DLGAP2: variants seen among roughly 807,000 people sequenced by gnomAD.
DLGAP2 encodes the protein DLG associated protein 2, also known as disks large-associated protein 2.
In DLGAP2, 26 loss-of-function variants were observed where a neutral mutation model predicts 100.3. The observed-to-expected ratio is 0.26, with a 90% confidence interval of 0.19 to 0.36. The LOEUF (loss-of-function observed/expected upper bound fraction) is 0.36, where lower values mean the gene tolerates loss of function less well. Among genes scored for constraint, DLGAP2 ranks in the 10% least tolerant of loss-of-function variants. The pLI is 1.00. For missense variants in DLGAP2, 1,858 were observed against 1,453.2 expected (o/e 1.28, Z -4.53); for synonymous variants, 886 against 630.1 (o/e 1.41, Z -6.08).
chr8:1,508,844 G>T (rs1228318368), intron 4 of DLGAP2, among the ~76,000 whole-genome samples: 1 of 151,696 alleles, frequency 6.6e-6, no homozygotes, highest in African/African-American at 2.4e-5. Context: ...CGGGCTCCGG[G>T]GATTCGTAGG....
At chr8:1,311,422 A>G (rs1003236364) in intron 3 of DLGAP2, among the ~76,000 whole-genome samples, 3 of 152,246 alleles carry the variant, frequency 2.0e-5, no homozygotes, top group Non-Finnish European at 2.9e-5. Flanking sequence ...TTCCTAACAC[A>G]TTCCTTGAGG....
At chr8:799,054 C>T (rs1796094873) in intron 1 of DLGAP2, among the ~76,000 whole-genome samples, 1 of 152,220 alleles carries the variant, frequency 6.6e-6, no homozygotes, top group African/African-American at 2.4e-5. Flanking sequence ...TTAAGAGACT[C>T]TGTCGGTCCT....
At chr8:1,270,339 C>G (rs1395692926) in intron 3 of DLGAP2, among the ~76,000 whole-genome samples, 1 of 152,136 alleles carries the variant, frequency 6.6e-6, no homozygotes, top group African/African-American at 2.4e-5. Context: ...AAAAGTAGAA[C>G]CTGTGATGTG....
At chr8:1,296,438 G>A (rs185643712) in intron 3 of DLGAP2, among the ~76,000 whole-genome samples, 7 of 152,194 alleles carry the variant, frequency 4.6e-5, no homozygotes, top group African/African-American at 1.2e-4. Context: ...ATCCAAGGGA[G>A]GTGTTATCAT....
intron 2 of DLGAP2, among the ~76,000 whole-genome samples, chr8:1,088,254 A>T (rs1804042434): frequency 6.6e-6 from 1 of 152,164 alleles, no homozygotes; most frequent in Non-Finnish European, 1.5e-5. Context: ...GTGGCGTTTC[A>T]TTAATGGACT....
chr8:905,184 T>G (rs1798353084), intron 1 of DLGAP2, among the ~76,000 whole-genome samples: 1 of 151,806 alleles, frequency 6.6e-6, no homozygotes, highest in South Asian at 2.1e-4. Context: ...ACCTGGCGGG[T>G]TCAAGGAAAG....
intron 3 of DLGAP2, among the ~76,000 whole-genome samples, chr8:1,389,279 G>C (rs118051867): frequency 1.4e-5 from 2 of 138,660 alleles, no homozygotes; most frequent in African/African-American, 6.7e-5. Flanking sequence ...CCCAGTCAGT[G>C]GGGAGGGGAC....
At chr8:1,108,645 A>G (rs575629268) in intron 2 of DLGAP2, among the ~76,000 whole-genome samples, 21 of 133,098 alleles carry the variant, frequency 1.6e-4, no homozygotes, top group African/African-American at 5.5e-4. Context: ...GCACGTGCCT[A>G]TGAAGTGTGC....
intron 5 of DLGAP2, among the ~76,000 whole-genome samples, chr8:1,554,320 AT>A (rs1801882993): frequency 6.6e-6 from 1 of 152,108 alleles, no homozygotes; most frequent in Non-Finnish European, 1.5e-5. Flanking sequence ...AAATAAATAA[AT>A]AAATAAAATG....
At chr8:1,083,680 T>C (rs1285655988) in intron 2 of DLGAP2, among the ~76,000 whole-genome samples, 2 of 152,224 alleles carry the variant, frequency 1.3e-5, no homozygotes, top group African/African-American at 4.8e-5. Context: ...TTTATGAGTC[T>C]TTTGTTATGG....
chr8:860,086 A>C (rs1339108358), intron 1 of DLGAP2, among the ~76,000 whole-genome samples: 1 of 152,232 alleles, frequency 6.6e-6, no homozygotes. Context: ...TTCCAAATTA[A>C]AGAAATAAGA....
intron 2 of DLGAP2, among the ~76,000 whole-genome samples, chr8:1,043,860 A>C (rs1357010609): frequency 6.6e-6 from 1 of 152,102 alleles, no homozygotes; most frequent in Non-Finnish European, 1.5e-5. Flanking sequence ...TGAAGCAATC[A>C]AGAAGCAAGC....
At chr8:744,011 C>T (rs1820551430) in intron 1 of DLGAP2, among the ~76,000 whole-genome samples, 1 of 152,214 alleles carries the variant, frequency 6.6e-6, no homozygotes, top group Non-Finnish European at 1.5e-5. Context: ...CGTGCCTTCA[C>T]GTTTCCTCTG....
At chr8:1,090,720 T>C (rs926682667) in intron 2 of DLGAP2, among the ~76,000 whole-genome samples, 1 of 152,064 alleles carries the variant, frequency 6.6e-6, no homozygotes, top group Non-Finnish European at 1.5e-5. Flanking sequence ...CACCCTGGGG[T>C]TTGTTTTCTG....
chr8:892,773 C>T (rs1013570505), intron 1 of DLGAP2, among the ~76,000 whole-genome samples: 2 of 152,164 alleles, frequency 1.3e-5, no homozygotes, highest in South Asian at 2.1e-4. Flanking sequence ...GGCCATGCTC[C>T]AGCAGTAGCA....
At chr8:1,428,790 T>C (rs1053795949) in intron 3 of DLGAP2, among the ~76,000 whole-genome samples, 1 of 152,194 alleles carries the variant, frequency 6.6e-6, no homozygotes, top group African/African-American at 2.4e-5. Context: ...TATCAGTGCA[T>C]GTGCTGCACA....
intron 2 of DLGAP2, among the ~76,000 whole-genome samples, chr8:917,106 C>T (rs1264548644): frequency 6.6e-6 from 1 of 152,220 alleles, no homozygotes; most frequent in African/African-American, 2.4e-5. Flanking sequence ...GAAGCACATA[C>T]ATTTTCAGGA....
chr8:1,242,468 T>C (rs74699560), intron 2 of DLGAP2, among the ~76,000 whole-genome samples: 5,553 of 152,308 alleles, frequency 0.036, 168 homozygotes, highest in African/African-American at 0.081. Flanking sequence ...TTCACTTGTT[T>C]CTTATGAAAT....
chr8:1,057,071 T>C (rs1045073477), intron 2 of DLGAP2, among the ~76,000 whole-genome samples: 11 of 152,234 alleles, frequency 7.2e-5, no homozygotes, highest in Non-Finnish European at 1.0e-4. Context: ...TACTGTGAGA[T>C]ACATATTTTT....
Sources: gnomAD v4.1 joint callset for allele counts (sites outside exome capture counted in the v4.1 genomes callset) on GRCh38, gnomAD v4.1.1 for gene constraint, MANE v1.5 for transcripts, NCBI Gene and HGNC (gene_info 2026-07-23, HGNC 2026-07-21) for gene names.